Variants in CYREN observed in about 807,000 individuals in gnomAD.
CYREN encodes the protein cell cycle regulator of NHEJ, also known as cell cycle regulator of non-homologous end joining.
A neutral mutation model predicts 9.7 loss-of-function variants in CYREN; 7 were observed. The observed-to-expected ratio is 0.72, with a 90% confidence interval of 0.41 to 1.36. The LOEUF (loss-of-function observed/expected upper bound fraction) is 1.36. Ranked by LOEUF, CYREN falls within the 40% of genes most tolerant of loss-of-function variation. CYREN has a pLI of 0.01. For missense variants in CYREN, 215 were observed against 198.1 expected (o/e 1.09, Z -0.51); for synonymous variants, 76 against 77.9 (o/e 0.98, Z 0.13).
At chr7:135,130,887 T>G (rs988695667) in intron 2 of CYREN, among the ~76,000 whole-genome samples, 1 of 152,200 alleles carries the variant, frequency 6.6e-6, no homozygotes, top group Non-Finnish European at 1.5e-5. Flanking sequence ...AAAAATTGTC[T>G]TTCGTTATCG....
intron 2 of CYREN, among the ~76,000 whole-genome samples, chr7:135,096,558 A>AAGATAGATAGAT (rs1167936702): frequency 0.056 from 4,445 of 79,698 alleles, 210 homozygotes; most frequent in Middle Eastern, 0.082. Context: ...GAAAGAAAGA[A>AAGATAGATAGAT]AGATAGATAG....
chr7:135,162,773 G>A (rs529974754), downstream of CYREN, among the ~76,000 whole-genome samples: 59 of 152,276 alleles, frequency 3.9e-4, no homozygotes, highest in Admixed American at 2.7e-3. Context: ...CATATCAGCC[G>A]AAACTTATCC....
intron 2 of CYREN, among the ~76,000 whole-genome samples, chr7:135,158,841 A>G (rs1230680322): frequency 1.3e-5 from 2 of 152,198 alleles, no homozygotes; most frequent in African/African-American, 4.8e-5. Context: ...AGCAAGAGCC[A>G]TGTCTGTAGA....
chr7:135,154,573 A>T (rs112320708), intron 2 of CYREN, among the ~76,000 whole-genome samples: 312 of 152,276 alleles, frequency 2.0e-3, no homozygotes, highest in African/African-American at 7.1e-3. Flanking sequence ...CATTTCAAAG[A>T]TGTTTTTAAT....
chr7:135,130,990 T>C (rs931674627), intron 2 of CYREN, among the ~76,000 whole-genome samples: 3 of 152,160 alleles, frequency 2.0e-5, no homozygotes, highest in African/African-American at 7.2e-5. Flanking sequence ...TTTTCCTACT[T>C]TGTCATTGAA....
At chr7:135,115,411 A>G (rs2117184274) in intron 2 of CYREN, 1 of 1,551,004 alleles carries the variant, frequency 6.4e-7, no homozygotes, top group East Asian at 2.4e-5. Context: ...GCAAAATAAA[A>G]GAATGCATAT....
chr7:135,110,100 C>T (rs984744047), intron 2 of CYREN, among the ~76,000 whole-genome samples: 27 of 152,146 alleles, frequency 1.8e-4, no homozygotes, highest in Admixed American at 1.6e-3. Context: ...GTTCACCCTC[C>T]CTCTGGGAGC....
chr7:135,134,216 G>C (rs1335022124), intron 2 of CYREN, among the ~76,000 whole-genome samples: 3 of 151,996 alleles, frequency 2.0e-5, no homozygotes, highest in Admixed American at 1.3e-4. Flanking sequence ...TGGGTGAAGA[G>C]TTCATGGGAT....
In CYREN at chr7:135,168,918, T is replaced by G; in HGVS notation, c.5A>C (p.Glu2Ala). 6.2e-7 allele frequency: 1 copy of G among 1,604,796 alleles called. No individual in the cohort carries two copies. The highest frequency in any genetic ancestry group is 1.3e-5 in the African/African-American group (1 of 74,606). Residue 2 changes from glutamate (E) to alanine (A), a missense_variant, in exon 2 of 4, where the codon GAA becomes GCA. Coordinates refer to ENST00000393114, the MANE Select transcript of CYREN (RefSeq NM_024033.4). ...CGTTTTAGTCTCGGATTGTAAGGTTTCCATCTCTGTACCTTCTCACAAAGA... is the reference window on the plus strand; with the variant it reads ...CGTTTTAGTCTCGGATTGTAAGGTTGCCATCTCTGTACCTTCTCACAAAGA... M[E>A]TLQSETKTRV... is the part of the protein sequence containing the mutation.
intron 2 of CYREN, 99 bp from the exon 3 acceptor site, chr7:135,167,906 A>AC: frequency 6.4e-7 from 1 of 1,572,802 alleles, no homozygotes; most frequent in Non-Finnish European, 8.6e-7. Flanking sequence ...CTGCCTTCCT[A>AC]CCACGCAGGA....
downstream of CYREN, among the ~76,000 whole-genome samples, chr7:135,163,136 C>T (rs11970825): frequency 0.48 from 73,496 of 152,002 alleles, 18,063 homozygotes; most frequent in South Asian, 0.65. Flanking sequence ...AATGGATGAT[C>T]CCACATGAAC....
chr7:135,152,333 T>A (rs1281521330), intron 2 of CYREN, among the ~76,000 whole-genome samples: 1 of 152,192 alleles, frequency 6.6e-6, no homozygotes, highest in Non-Finnish European at 1.5e-5. Context: ...CACAAGGGTG[T>A]TGTGAAGATT....
chr7:135,133,849 AAACC>A (rs1829120183), intron 2 of CYREN, among the ~76,000 whole-genome samples: 1 of 152,172 alleles, frequency 6.6e-6, no homozygotes, highest in Non-Finnish European at 1.5e-5. Context: ...ATGAATTATT[AAACC>A]AACTATGGTA....
chr7:135,164,760 AAC>A, downstream of CYREN: 1 of 1,614,172 alleles, frequency 6.2e-7, no homozygotes, highest in Non-Finnish European at 8.5e-7. Context: ...AGCCCAGTGC[AAC>A]AGTGATGAGA....
chr7:135,155,221 T>C (rs1017856757), intron 2 of CYREN, among the ~76,000 whole-genome samples: 1 of 152,240 alleles, frequency 6.6e-6, no homozygotes, highest in South Asian at 2.1e-4. Flanking sequence ...TCAGTCTATA[T>C]GTCTTTATGG....
At chr7:135,140,810 T>C (rs984233321) in intron 2 of CYREN, among the ~76,000 whole-genome samples, 1 of 152,138 alleles carries the variant, frequency 6.6e-6, no homozygotes, top group Non-Finnish European at 1.5e-5. Context: ...CTGCATCTAT[T>C]AAGATGATCA....
intron 2 of CYREN, among the ~76,000 whole-genome samples, chr7:135,157,369 G>A (rs1033426212): frequency 4.6e-5 from 7 of 152,252 alleles, no homozygotes; most frequent in African/African-American, 1.7e-4. Context: ...CAGTGGGATA[G>A]AGTATGGTAA....
intron 2 of CYREN, among the ~76,000 whole-genome samples, chr7:135,105,818 A>G (rs1824624431): frequency 1.3e-5 from 2 of 152,170 alleles, no homozygotes; most frequent in South Asian, 4.1e-4. Context: ...GAATCTGTAA[A>G]TTGCTTTGGA....
intron 2 of CYREN, among the ~76,000 whole-genome samples, chr7:135,121,860 C>T (rs1827178122): frequency 6.6e-6 from 1 of 152,166 alleles, no homozygotes; most frequent in Non-Finnish European, 1.5e-5. Context: ...AGTGTGCTAC[C>T]CAGCCGGGGA....
Sources: allele counts gnomAD v4.1 joint callset (sites outside exome capture counted in the v4.1 genomes callset), GRCh38; gene constraint gnomAD v4.1.1; transcripts MANE v1.5; gene names NCBI Gene and HGNC (gene_info 2026-07-23, HGNC 2026-07-21).